The following CYP7B1 variants were observed in gnomAD, a reference collection of about 807,000 sequenced individuals.
CYP7B1 encodes the protein cytochrome P450 7B1.
Under a neutral mutation model 42.7 loss-of-function variants are expected in CYP7B1, and 29 were observed. That is an observed-to-expected ratio of 0.68 (90% CI 0.51 to 0.93). CYP7B1 has a LOEUF of 0.93. Ranked by LOEUF, CYP7B1 falls within the 40% of genes least tolerant of loss-of-function variation. CYP7B1 has a pLI of 0.00. For synonymous variants in CYP7B1, 235 were observed against 218.2 expected, an observed-to-expected ratio of 1.08 and a Z score of -0.68; for missense variants, 655 against 600.5, an observed-to-expected ratio of 1.09 and a Z score of -0.95.
chr8:64,630,646 G>A lies in CYP7B1; in HGVS notation c.123-6107C>T, dbSNP rs558059608. 2.6e-5 allele frequency among the ~76,000 whole-genome samples: 4 copies of A among 152,316 alleles called. No individual in the cohort carries two copies. The South Asian group carries it at 8.3e-4, about 32-fold the overall frequency. On this transcript the variant is annotated intron_variant, in intron 1 of 5. Transcript: ENST00000310193. ...GCCCTCTTCATCCTTCAACACATCA[G>A]TTAAGTAAAACTGCCAAATGCCCAG...
At chr8:64,589,025 G>C (rs557495079), downstream of CYP7B1, among the ~76,000 whole-genome samples, 1 of 152,040 alleles carries the variant, frequency 6.6e-6, no homozygotes, top group East Asian at 1.9e-4. Flanking sequence ...TCTTAAGAGA[G>C]TGAACTTAAG....
intron 4 of CYP7B1, among the ~76,000 whole-genome samples, chr8:64,613,211 G>T (rs367732962): frequency 1.3e-5 from 2 of 152,130 alleles, no homozygotes; most frequent in African/African-American, 4.8e-5. Flanking sequence ...TCAATGATAG[G>T]AGACTTGTCA....
chr8:64,769,226 G>A (rs1474697414), intron 1 of CYP7B1, among the ~76,000 whole-genome samples: 3 of 152,030 alleles, frequency 2.0e-5, no homozygotes, highest in South Asian at 2.1e-4. Flanking sequence ...TCTATGGAAC[G>A]GGATGGCACC....
At chr8:64,763,076 C>A (rs942842446) in intron 1 of CYP7B1, among the ~76,000 whole-genome samples, 1 of 152,110 alleles carries the variant, frequency 6.6e-6, no homozygotes, top group Admixed American at 6.5e-5. Flanking sequence ...TTTCGCTGGC[C>A]GTCCACCACT....
At chr8:64,777,580 T>G (rs1324549143) in intron 1 of CYP7B1, among the ~76,000 whole-genome samples, 2 of 152,102 alleles carry the variant, frequency 1.3e-5, no homozygotes, top group African/African-American at 4.8e-5. Context: ...ACAGCCCGAA[T>G]CACATTGTCA....
At chr8:64,735,870 G>A (rs972858540) in intron 1 of CYP7B1, among the ~76,000 whole-genome samples, 3 of 152,016 alleles carry the variant, frequency 2.0e-5, no homozygotes, top group Non-Finnish European at 2.9e-5. Flanking sequence ...CTGATCGAGA[G>A]AGAAAGGTAA....
chr8:64,605,446 C>G (rs1035821052), intron 4 of CYP7B1, among the ~76,000 whole-genome samples: 3 of 152,154 alleles, frequency 2.0e-5, no homozygotes, highest in Non-Finnish European at 4.4e-5. Flanking sequence ...TTTTTCTCAG[C>G]ATCCAGGGAA....
chr8:64,679,484 C>T (rs766725018), intron 1 of CYP7B1, among the ~76,000 whole-genome samples: 13 of 152,136 alleles, frequency 8.5e-5, no homozygotes, highest in Non-Finnish European at 1.8e-4. Flanking sequence ...GGGCAAAAGG[C>T]TCAAGTCAGT....
chr8:64,615,981 A>C lies in CYP7B1; in HGVS notation c.560T>G (p.Ile187Arg). 1 of 1,613,782 alleles carries C rather than the reference A, an allele frequency of 6.2e-7. No individual in the cohort carries two copies. The highest frequency in any genetic ancestry group is 8.5e-7 in the Non-Finnish European group (1 of 1,179,828). Residue 187 changes from isoleucine to arginine, a missense_variant, in exon 3 of 6, where the codon ATA becomes AGA. By Grantham distance (97) the Ile-to-Arg change is moderately conservative. Transcript: ENST00000310193. ...TAELYPFCSS[I>R]IFEITFTTIY... ...AGTTGTAAATGTGATCTCAAATATT[A>C]TTGAGCTGCAGAATGGATACAGTTC... is the stretch of plus-strand genomic sequence containing the variant.
At chr8:64,687,493 A>T (rs2356993) in intron 1 of CYP7B1, among the ~76,000 whole-genome samples, 16,312 of 152,090 alleles carry the variant, frequency 0.11, 1,153 homozygotes, top group Non-Finnish European at 0.16. Context: ...AAAATGTTCT[A>T]AAAAAAACCT....
At chr8:64,633,018 G>C (rs964494173) in intron 1 of CYP7B1, among the ~76,000 whole-genome samples, 2 of 152,132 alleles carry the variant, frequency 1.3e-5, no homozygotes, top group African/African-American at 2.4e-5. Context: ...CCAGACTATT[G>C]TCACTGGAAG....
At position 64,593,488 on chromosome 8, in the gene CYP7B1, G is replaced by A. The variant is rs979330735; in HGVS notation, c.*3154C>T. Among the ~76,000 whole-genome samples, 2 of 152,114 alleles carry A rather than the reference G, an allele frequency of 1.3e-5. No homozygotes were observed. The highest frequency in any genetic ancestry group is 2.1e-4 in the South Asian group (1 of 4,830). On this transcript the variant is annotated 3_prime_UTR_variant, in exon 6 of 6. Transcript: ENST00000310193. ...CTAATAAAATGGTTGCATTCTACCTGATTTAGGGCTAGAAACCACAATACC... is the reference window on the plus strand; with the variant it reads ...CTAATAAAATGGTTGCATTCTACCTAATTTAGGGCTAGAAACCACAATACC...
chr8:64,793,531 C>T (rs1180739700), intron 1 of CYP7B1, among the ~76,000 whole-genome samples: 2 of 151,962 alleles, frequency 1.3e-5, no homozygotes, highest in Admixed American at 1.3e-4. Flanking sequence ...TTATGATACA[C>T]AGTGATTTAA....
chr8:64,614,932 T>G (rs964003792), intron 4 of CYP7B1, 94 bp downstream of exon 4: 27 of 1,188,548 alleles, frequency 2.3e-5, no homozygotes, highest in Non-Finnish European at 1.3e-5. Context: ...ATTAGGCAGC[T>G]GTGTCCTCTA....
At chr8:64,757,868 C>T (rs1236988713) in intron 1 of CYP7B1, among the ~76,000 whole-genome samples, 2 of 152,218 alleles carry the variant, frequency 1.3e-5, no homozygotes, top group Non-Finnish European at 2.9e-5. Context: ...TCTGTGCATG[C>T]ATGCTTCTTG....
intron 1 of CYP7B1, among the ~76,000 whole-genome samples, chr8:64,655,049 A>T (rs1806101281): frequency 6.6e-6 from 1 of 152,154 alleles, no homozygotes; most frequent in African/African-American, 2.4e-5. Flanking sequence ...TAAATGTAAA[A>T]CCCAAAACTA....
chr8:64,606,215 G>A (rs1016847435), intron 4 of CYP7B1, among the ~76,000 whole-genome samples: 5 of 152,292 alleles, frequency 3.3e-5, no homozygotes, highest in Admixed American at 6.5e-5. Flanking sequence ...CGGTTTGTTG[G>A]TGATGAGGCC....
intron 5 of CYP7B1, 133 bp from the exon 6 acceptor site, chr8:64,597,062 T>C (rs771103563): frequency 1.7e-5 from 12 of 707,678 alleles, no homozygotes; most frequent in Non-Finnish European, 2.4e-5. Flanking sequence ...AAAACTTGGC[T>C]GAGTGCAAAT....
rs775103247 is a variant in CYP7B1, at chr8:64,616,037, C to G, written c.504G>C (p.Gln168His). The G allele has an allele frequency of 3.1e-6, 5 of 1,613,654 alleles. No individual in the cohort carries two copies. The highest frequency in any genetic ancestry group is 1.1e-5 in the South Asian group (1 of 91,072). ...TGTCCCAACTTGTGGTTTTTAACAG[C>G]TGGGGTTCAAAAACTTGTTTTAGAT... ...MQNLKQVFEP[Q>H]LLKTTSWDTA... The change falls in exon 3 of 6, where the codon CAG becomes CAC. Residue 168 changes from glutamine to histidine, a missense_variant. Gln to His is a conservative substitution (Grantham distance 24). Coordinates refer to ENST00000310193, the MANE Select transcript of CYP7B1 (RefSeq NM_004820.5).
Sources: allele counts gnomAD v4.1 joint callset (sites outside exome capture counted in the v4.1 genomes callset), GRCh38; gene constraint gnomAD v4.1.1; transcripts MANE v1.5; gene names NCBI Gene and HGNC (gene_info 2026-07-23, HGNC 2026-07-21).